Variants in STK32C observed in about 807,000 individuals in gnomAD.
STK32C encodes serine/threonine-protein kinase 32C.
STK32C carries 31 observed loss-of-function variants against 56.5 expected under a neutral mutation model. That is an observed-to-expected ratio of 0.55 (90% CI 0.41 to 0.74). The LOEUF is 0.74. STK32C is among the 30% of genes least tolerant of loss of function. STK32C has a pLI of 0.00. For missense variants in STK32C, 544 were observed against 676.9 expected, an observed-to-expected ratio of 0.80 and a Z score of 2.18; for synonymous variants, 309 against 289.4, an observed-to-expected ratio of 1.07 and a Z score of -0.69.
At chr10:132,212,027 G>C (rs11146251) in intron 10 of STK32C, among the ~76,000 whole-genome samples, 1 of 152,148 alleles carries the variant, frequency 6.6e-6, no homozygotes, top group East Asian at 1.9e-4. Context: ...AGCGAGGAGG[G>C]GCCTGGGAAA....
rs1452673205 is a variant in STK32C at position 132,307,771 on chromosome 10, G to C, written c.63C>G (p.Pro21=). 1.0e-6 allele frequency: 1 copy of C among 996,230 alleles called. No individual in the cohort carries two copies. Among genetic ancestry groups the C allele is most frequent in the Non-Finnish European group, 1.2e-6 (1 of 838,780 alleles). 61.7% of individuals were successfully genotyped at this position (996,230 alleles called of 1,614,324 possible). A position where few individuals can be genotyped will look rare whatever the true frequency, so the allele number is the denominator to read the frequency against. ...CGGAGCCGGCGGGGCGCGCGCGGCC[G>C]GGGGGCGGCGAGCCCGGGGACGCCG... ...SAAASPGSPP[P]GRARPAGSDA... Residue 21 remains proline (P), a synonymous_variant, in exon 1 of 12, where the codon CCC becomes CCG. Transcript: ENST00000298630. The surrounding 1 kb of genome is among the most constrained non-coding windows in gnomAD (Gnocchi z 4.4).
At chr10:132,282,495 G>A (rs1485103588) in intron 1 of STK32C, among the ~76,000 whole-genome samples, 12 of 125,566 alleles carry the variant, frequency 9.6e-5, no homozygotes, top group African/African-American at 3.1e-4. Context: ...CTGTGCCTGC[G>A]CCCACCTGTG....
intron 2 of STK32C, among the ~76,000 whole-genome samples, chr10:132,243,938 C>T (rs867957743): frequency 8.5e-5 from 13 of 152,208 alleles, no homozygotes; most frequent in South Asian, 2.1e-4. Flanking sequence ...GGGCCCACCA[C>T]CACCTGCAGG....
At chr10:132,303,450 T>C (rs1351863475) in intron 1 of STK32C, among the ~76,000 whole-genome samples, 1 of 151,986 alleles carries the variant, frequency 6.6e-6, no homozygotes, top group African/African-American at 2.4e-5. Context: ...CACACACAAA[T>C]TAAACACATC....
chr10:132,330,245 C>T (rs977942355), intron 1 of STK32C: 16 of 559,160 alleles, frequency 2.9e-5, no homozygotes, highest in Admixed American at 9.1e-5. Flanking sequence ...AAATGTGAAA[C>T]AAAAACCTGA....
intron 1 of STK32C, among the ~76,000 whole-genome samples, chr10:132,282,995 A>G (rs551347589): frequency 1.3e-5 from 2 of 152,318 alleles, no homozygotes; most frequent in African/African-American, 4.8e-5. Context: ...GGCTGCACCA[A>G]TCACATTCCC....
At chr10:132,233,417 G>A (rs1329290309) in intron 2 of STK32C, among the ~76,000 whole-genome samples, 1 of 152,220 alleles carries the variant, frequency 6.6e-6, no homozygotes, top group Non-Finnish European at 1.5e-5. Flanking sequence ...CTCCCTGGAT[G>A]AGCTCAGGAT....
At chr10:132,281,655 G>A (rs1025310738) in intron 1 of STK32C, among the ~76,000 whole-genome samples, 3 of 152,208 alleles carry the variant, frequency 2.0e-5, no homozygotes, top group Non-Finnish European at 2.9e-5. Flanking sequence ...AAAGGGCTCC[G>A]GTTGGAAAGC....
At chr10:132,251,521 C>T (rs1337488021) in intron 1 of STK32C, among the ~76,000 whole-genome samples, 6 of 152,096 alleles carry the variant, frequency 3.9e-5, no homozygotes, top group African/African-American at 1.4e-4. Flanking sequence ...GCATAGGAGC[C>T]CCCACACCAT....
At chr10:132,208,212 A>G in intron 11 of STK32C, 61 bp from the exon 12 acceptor site, 1 of 1,285,810 alleles carries the variant, frequency 7.8e-7, no homozygotes, top group Non-Finnish European at 9.9e-7. Flanking sequence ...TCACGGTCCC[A>G]TGACCTGCCC....
At chr10:132,267,040 C>T (rs1255267039) in intron 1 of STK32C, among the ~76,000 whole-genome samples, 1 of 152,188 alleles carries the variant, frequency 6.6e-6, no homozygotes, top group Non-Finnish European at 1.5e-5. Context: ...CACCCCGCTG[C>T]AGTGGGGAGA....
chr10:132,239,668 A>C (rs1395930069), intron 2 of STK32C, among the ~76,000 whole-genome samples: 2 of 152,256 alleles, frequency 1.3e-5, no homozygotes, highest in African/African-American at 4.8e-5. Context: ...TGACTGCAGC[A>C]GCCCCTGCCC....
intron 1 of STK32C, among the ~76,000 whole-genome samples, chr10:132,269,021 G>A (rs1285148888): frequency 1.3e-5 from 2 of 151,188 alleles, no homozygotes; most frequent in Admixed American, 1.3e-4. Context: ...ATGCCTGTGT[G>A]CACGCATGTC....
At chr10:132,291,045 T>C (rs1339304460) in intron 1 of STK32C, among the ~76,000 whole-genome samples, 2 of 152,232 alleles carry the variant, frequency 1.3e-5, no homozygotes, top group East Asian at 1.9e-4. Flanking sequence ...ACAGCCCTCA[T>C]GGCTGTGGGA....
intron 1 of STK32C, among the ~76,000 whole-genome samples, chr10:132,326,473 G>T (rs2066501435): frequency 6.6e-6 from 1 of 152,198 alleles, no homozygotes; most frequent in South Asian, 2.1e-4. Context: ...TTGGAATTAT[G>T]GGTGCACGCC....
At chr10:132,279,140 A>G (rs1182338269) in intron 1 of STK32C, among the ~76,000 whole-genome samples, 1 of 152,186 alleles carries the variant, frequency 6.6e-6, no homozygotes, top group Non-Finnish European at 1.5e-5. Context: ...TTAACACAGT[A>G]ATGATTGCAA....
intron 2 of STK32C, among the ~76,000 whole-genome samples, chr10:132,230,537 CTGTT>C (rs2137759281): frequency 6.6e-6 from 1 of 152,350 alleles, no homozygotes; most frequent in East Asian, 1.9e-4. Context: ...TCCAGAAAGG[CTGTT>C]TGTTGCCCTG....
In STK32C at chr10:132,241,436, G is replaced by A. The variant is rs372227305; in HGVS notation, c.318+4464C>T. On this transcript the variant is annotated intron_variant, in intron 2 of 11. Transcript: ENST00000298630. Reference sequence around the variant, plus strand: ...CATGACATAGAATAACCATAGGAACGACGTATCATCAACGGAACAAAATGT... The same window carrying A: ...CATGACATAGAATAACCATAGGAACAACGTATCATCAACGGAACAAAATGT... Among the ~76,000 whole-genome samples the A allele has an allele frequency of 1.4e-4, 21 of 152,324 alleles. No individual in the cohort carries two copies. The South Asian group carries it at 3.7e-3, about 27-fold the overall frequency.
At chr10:132,217,412 T>C (rs1311006168) in intron 10 of STK32C, among the ~76,000 whole-genome samples, 1 of 152,214 alleles carries the variant, frequency 6.6e-6, no homozygotes, top group African/African-American at 2.4e-5. Context: ...TACAGACTCA[T>C]AGGCAGAAGG....
Sources: allele counts gnomAD v4.1 joint callset (sites outside exome capture counted in the v4.1 genomes callset), GRCh38; gene constraint gnomAD v4.1.1; non-coding constraint Gnocchi (gnomAD v3.1); transcripts MANE v1.5; gene names NCBI Gene and HGNC (gene_info 2026-07-23, HGNC 2026-07-21).